CAPN8: variants seen among roughly 807,000 people sequenced by gnomAD.
CAPN8 encodes calpain-8.
Under a neutral mutation model 80.9 loss-of-function variants are expected in CAPN8, and 87 were observed. The ratio of observed to expected loss-of-function variants is 1.07; its 90% CI spans 0.90 to 1.28. CAPN8 has a LOEUF of 1.28. Among genes scored for constraint, CAPN8 ranks in the 50% most tolerant of loss-of-function variants. The pLI, the probability that CAPN8 is intolerant of heterozygous loss-of-function variation, is 0.00. For missense variants in CAPN8, 757 were observed against 702.0 expected (o/e 1.08, Z -0.89); for synonymous variants, 299 against 273.8 (o/e 1.09, Z -0.91).
chr1:223,665,385 C>T (rs1658758250), intron 1 of CAPN8, 25 bp downstream of exon 1: 3 of 1,541,476 alleles, frequency 1.9e-6, no homozygotes, highest in South Asian at 2.4e-5. Flanking sequence ...TTGTATGTCA[C>T]TCAACAGCAA....
rs1298230198 is a variant in CAPN8 at position 223,622,763 on chromosome 1, C to T, written c.899+52G>A. ...TCTCATTGTTGTGTGTTTTACACGACACCCTTCCGCAGAGGGAGAGATGAC... is the reference window on the plus strand; with the variant it reads ...TCTCATTGTTGTGTGTTTTACACGATACCCTTCCGCAGAGGGAGAGATGAC... On this transcript the variant is annotated intron_variant, in intron 7 of 20. Coordinates refer to ENST00000366872, the MANE Select transcript of CAPN8 (RefSeq NM_001143962.2). 4 of 1,387,210 alleles carry T rather than the reference C, an allele frequency of 2.9e-6. No individual in the cohort carries two copies. In the East Asian group the frequency reaches 1.0e-4, roughly 35 times the overall value. 85.9% of individuals were successfully genotyped at this position (1,387,210 alleles called of 1,614,324 possible). A position where few individuals can be genotyped will look rare whatever the true frequency, so the allele number is the denominator to read the frequency against.
intron 7 of CAPN8, chr1:223,622,507 C>T: frequency 2.6e-6 from 1 of 379,650 alleles, no homozygotes; most frequent in Non-Finnish European, 4.8e-6. Context: ...TCGATTTGAC[C>T]TTTGGACCAG....
intron 2 of CAPN8, among the ~76,000 whole-genome samples, chr1:223,629,275 C>T (rs565163013): frequency 2.7e-5 from 4 of 150,348 alleles, no homozygotes; most frequent in African/African-American, 9.8e-5. Flanking sequence ...GAAGAGCTGG[C>T]TCTGCGTGGT....
chr1:223,549,322 A>G lies in CAPN8; in HGVS notation c.1760T>C (p.Leu587Ser). ...AATGCAACATTTAAAGGATACATCC[A>G]ACAGACTGATCATTTCCCTGCAAGT... ...INTCREMISLLDSNGTGTLGA... is the reference protein window; with the variant it reads ...INTCREMISLSDSNGTGTLGA... The change falls in exon 16 of 21, where the codon TTG becomes TCG. Residue 587 changes from leucine (L) to serine (S), a missense_variant. Transcript: ENST00000366872. 1 of 1,551,846 alleles carries G rather than the reference A, an allele frequency of 6.4e-7. No homozygotes were observed. The highest frequency in any genetic ancestry group is 8.7e-7 in the Non-Finnish European group (1 of 1,147,042).
At chr1:223,661,102 G>A (rs766007034) in intron 1 of CAPN8, among the ~76,000 whole-genome samples, 3 of 151,792 alleles carry the variant, frequency 2.0e-5, no homozygotes, top group Non-Finnish European at 1.5e-5. Context: ...GGAGGCAGAG[G>A]TTGCAGTGAG....
At chr1:223,638,542 A>G (rs568568177) in intron 2 of CAPN8, among the ~76,000 whole-genome samples, 2 of 152,280 alleles carry the variant, frequency 1.3e-5, no homozygotes, top group Admixed American at 6.5e-5. Flanking sequence ...CCGCCTGAGT[A>G]TAATCTCTCC....
intron 2 of CAPN8, chr1:223,642,766 C>T (rs374320578): frequency 2.2e-6 from 1 of 454,060 alleles, no homozygotes; most frequent in Non-Finnish European, 4.4e-6. Flanking sequence ...GAAACTTGTT[C>T]AGATTATTTC....
At chr1:223,655,470 G>T (rs920042998) in intron 1 of CAPN8, among the ~76,000 whole-genome samples, 4 of 152,122 alleles carry the variant, frequency 2.6e-5, no homozygotes, top group Non-Finnish European at 5.9e-5. Flanking sequence ...AGTACCCTTT[G>T]AACCATGGCA....
chr1:223,651,857 A>C (rs1658350382), intron 2 of CAPN8, among the ~76,000 whole-genome samples: 1 of 152,256 alleles, frequency 6.6e-6, no homozygotes. Context: ...CAGTGTTGAT[A>C]GTGTGCTGCC....
chr1:223,609,218 T>C lies in CAPN8; in HGVS notation c.1470A>G (p.Thr490=). Residue 490 remains threonine, a synonymous_variant, in exon 12 of 21, where the codon ACA becomes ACG. Transcript: ENST00000366872. ...PPGEYLVVPS[T]FEPFKDGEFC... The stretch of plus-strand genomic sequence containing the variant: ...ACTCGCCGTCTTTGAAGGGTTCAAA[T>C]GTGGATGGCACCACCAGGTACTCCC... The C allele has an allele frequency of 2.5e-6, 1 of 398,444 alleles. No homozygotes were observed. Among genetic ancestry groups the C allele is most frequent in the Non-Finnish European group, 4.4e-6 (1 of 226,078 alleles). The allele number at this position is 398,444 out of a possible 1,614,324, so 24.7% of individuals were successfully genotyped here.
rs776700337 is a variant in CAPN8, at chr1:223,628,104, G to A, written c.465C>T (p.Asp155=). The A allele has an allele frequency of 2.9e-5, 45 of 1,550,780 alleles. No individual in the cohort carries two copies. Among genetic ancestry groups the A allele is most frequent in the South Asian group, 7.1e-5 (6 of 84,002 alleles). The change falls in exon 4 of 21, where the codon GAC becomes GAT. Residue 155 remains aspartate, a synonymous_variant. Coordinates refer to ENST00000366872, the MANE Select transcript of CAPN8 (RefSeq NM_001143962.2). ...QYGEWVEVVI[D]DRLPTKNGQL... is the part of the protein sequence containing the mutation. Reference sequence around the variant, plus strand: ...GTCCATTCTTGGTGGGCAGCCTGTCGTCAATGACCACCTCCACCCACTCTC... The same window carrying A: ...GTCCATTCTTGGTGGGCAGCCTGTCATCAATGACCACCTCCACCCACTCTC...
rs1161202596 is a variant in CAPN8, at chr1:223,620,255, C to T, written c.911G>A (p.Trp304Ter). ...SGAWSDDAPE[W>*]NHIDPRRKEE... ...CTTCCGCCGGGGGTCTATGTGATTC[C>T]ACTCTGGTGCACTGAGGGGAAAACA... The change falls in exon 8 of 21, where the codon TGG becomes TAG. Residue 304 changes from tryptophan (W) to a stop codon, truncating the protein, a stop_gained. Transcript: ENST00000366872. LOFTEE classifies it high-confidence loss of function. 3 of 1,551,608 alleles carry T rather than the reference C, an allele frequency of 1.9e-6. No individual in the cohort carries two copies. Among genetic ancestry groups the T allele is most frequent in the South Asian group, 2.4e-5 (2 of 84,042 alleles).
intron 20 of CAPN8, 133 bp downstream of exon 20, chr1:223,542,975 C>A: frequency 1.1e-6 from 1 of 909,970 alleles, no homozygotes; most frequent in Non-Finnish European, 1.7e-6. Flanking sequence ...TGCTGGGTGC[C>A]TGCCACAGAA....
intron 2 of CAPN8, among the ~76,000 whole-genome samples, chr1:223,653,057 G>A (rs757906145): frequency 6.6e-6 from 1 of 151,802 alleles, no homozygotes; most frequent in Admixed American, 6.6e-5. Context: ...TGTCTGAGGC[G>A]CCTTCGAAGT....
rs143471562 is a variant in CAPN8, at chr1:223,643,891, G to A, written c.307+10439C>T. 2.1e-3 allele frequency among the ~76,000 whole-genome samples: 319 copies of A among 152,236 alleles called. 1 individual carries two copies. The highest frequency in any genetic ancestry group is 7.1e-3 in the African/African-American group (296 of 41,534). On this transcript the variant is annotated intron_variant, in intron 2 of 20. Transcript: ENST00000366872. Reference sequence around the variant, plus strand: ...CTTGCCGATCTAGTCTGTCCAGCGCGTACAGTACTGGCCAGCATAATGATT... The same window carrying A: ...CTTGCCGATCTAGTCTGTCCAGCGCATACAGTACTGGCCAGCATAATGATT...
chr1:223,625,982 G>T, intron 5 of CAPN8, 94 bp from the exon 6 acceptor site: 6 of 977,306 alleles, frequency 6.1e-6, no homozygotes, highest in Non-Finnish European at 9.5e-6. Context: ...ACAGCCACTG[G>T]GGGCTTCAGT....
In CAPN8 at chr1:223,665,546, G is replaced by T. The variant is rs773375207; in HGVS notation, c.101C>A (p.Thr34Asn). 1 of 1,551,716 alleles carries T rather than the reference G, an allele frequency of 6.4e-7. No homozygotes were observed. Among genetic ancestry groups the T allele is most frequent in the Non-Finnish European group, 8.7e-7 (1 of 1,147,006 alleles). ...ALKYLGQDFK[T>N]LRQQCLDSGV... The stretch of plus-strand genomic sequence containing the variant: ...TGAGTCCAAGCACTGTTGCCTCAGG[G>T]TCTTGAAATCCTGGCCCAAGTACTT... The change falls in exon 1 of 21, where the codon ACC becomes AAC. Residue 34 changes from threonine to asparagine, a missense_variant. Thr to Asn is a moderately conservative substitution (Grantham distance 65). Coordinates refer to ENST00000366872, the MANE Select transcript of CAPN8 (RefSeq NM_001143962.2).
rs1008581123 is a variant in CAPN8, at chr1:223,554,492, C to T, written c.1573-592G>A. ...AAAATTAGCTGGGTGTAGTGGTGCA[C>T]GCCTGTAGTCCCATCTACTTCAGAG... On this transcript the variant is annotated intron_variant, in intron 13 of 20. Transcript: ENST00000366872. 9.0e-3 allele frequency among the ~76,000 whole-genome samples: 1,365 copies of T among 152,082 alleles called. 23 individuals are homozygous for T. Among genetic ancestry groups the T allele is most frequent in the African/African-American group, 0.03 (1,230 of 41,452 alleles).
chr1:223,621,685 C>T (rs989977514), intron 7 of CAPN8, among the ~76,000 whole-genome samples: 4 of 152,042 alleles, frequency 2.6e-5, no homozygotes, highest in African/African-American at 7.2e-5. Context: ...TGCCCCTCTG[C>T]GTGGTCATGA....
Sources: gnomAD v4.1 joint callset for allele counts (sites outside exome capture counted in the v4.1 genomes callset) on GRCh38, gnomAD v4.1.1 for gene constraint, MANE v1.5 for transcripts, NCBI Gene and HGNC (gene_info 2026-07-23, HGNC 2026-07-21) for gene names.